The following RBPMS variants were observed in gnomAD, a reference collection of about 807,000 sequenced individuals.
RBPMS encodes the protein RNA binding protein, mRNA processing factor.
RBPMS carries 7 observed loss-of-function variants against 26.8 expected under a neutral mutation model. That is an observed-to-expected ratio of 0.26 (90% CI 0.15 to 0.49). The LOEUF (loss-of-function observed/expected upper bound fraction) is 0.49, where lower values mean the gene tolerates loss of function less well. Ranked by LOEUF, RBPMS falls within the 20% of genes least tolerant of loss-of-function variation. The pLI is 0.98. For synonymous variants in RBPMS, 96 were observed against 93.3 expected (o/e 1.03, Z -0.17); for missense variants, 186 against 250.0 (o/e 0.74, Z 1.73).
At chr8:30,552,541 A>T (rs1373249210) in intron 6 of RBPMS, 4 of 152,250 alleles carry the variant, frequency 2.6e-5, no homozygotes, top group Non-Finnish European at 5.9e-5. Context: ...CACTGAGCTC[A>T]GCTCCTGGGG....
chr8:30,385,189 C>T (rs761869947), intron 1 of RBPMS, 31 bp downstream of exon 1: 1 of 1,432,864 alleles, frequency 7.0e-7, no homozygotes, highest in Admixed American at 2.8e-5. Flanking sequence ...GTGGCGGGGG[C>T]GACGCGGGAC....
chr8:30,491,098 T>C (rs1819342863), intron 4 of RBPMS, among the ~76,000 whole-genome samples: 1 of 152,198 alleles, frequency 6.6e-6, no homozygotes, highest in South Asian at 2.1e-4. Context: ...TGTACTTTTA[T>C]GAAATTCATC....
intron 4 of RBPMS, among the ~76,000 whole-genome samples, chr8:30,491,618 G>T (rs1400202653): frequency 6.6e-6 from 1 of 151,296 alleles, no homozygotes; most frequent in Non-Finnish European, 1.5e-5. Flanking sequence ...TTAGGCAACT[G>T]TTTTTTTTCA....
At chr8:30,564,473 C>T (rs1381147771) in intron 7 of RBPMS, 2 of 152,240 alleles carry the variant, frequency 1.3e-5, no homozygotes, top group African/African-American at 2.4e-5. Context: ...GCCTGAAGAC[C>T]CTCCACACTG....
chr8:30,566,437 G>A (rs1827890789), intron 8 of RBPMS, 77 bp downstream of exon 8: 2 of 339,262 alleles, frequency 5.9e-6, no homozygotes, highest in Non-Finnish European at 8.4e-6. Flanking sequence ...CTCTGGGGGT[G>A]GGGTCTGGCA....
At chr8:30,484,868 A>G (rs546856560) in intron 4 of RBPMS, among the ~76,000 whole-genome samples, 7 of 152,328 alleles carry the variant, frequency 4.6e-5, no homozygotes, top group Admixed American at 3.3e-4. Context: ...CTTGTACATA[A>G]TTTGTTATAC....
intron 1 of RBPMS, among the ~76,000 whole-genome samples, chr8:30,425,925 G>A (rs1349035798): frequency 6.6e-6 from 1 of 152,138 alleles, no homozygotes. Context: ...TGTGATCAAG[G>A]CTGGCCTTTG....
chr8:30,489,514 G>A (rs1006906169), intron 4 of RBPMS, among the ~76,000 whole-genome samples: 1 of 152,082 alleles, frequency 6.6e-6, no homozygotes, highest in Admixed American at 6.5e-5. Flanking sequence ...GGAGTGCAGT[G>A]GCTCACTGCA....
intron 1 of RBPMS, among the ~76,000 whole-genome samples, chr8:30,456,108 G>T (rs1815175692): frequency 6.6e-6 from 1 of 152,036 alleles, no homozygotes; most frequent in Admixed American, 6.6e-5. Flanking sequence ...TTGTGTGTGT[G>T]TTTTTTAATG....
intron 5 of RBPMS, among the ~76,000 whole-genome samples, chr8:30,505,517 A>G (rs1820990077): frequency 6.6e-6 from 1 of 152,214 alleles, no homozygotes; most frequent in Admixed American, 6.5e-5. Flanking sequence ...GTTCTAAAAT[A>G]AATGTTTCTA....
At chr8:30,409,196 C>CTT (rs571043064) in intron 1 of RBPMS, among the ~76,000 whole-genome samples, 3 of 143,066 alleles carry the variant, frequency 2.1e-5, no homozygotes, top group Admixed American at 7.0e-5. Context: ...AGCGTTTTCT[C>CTT]TTTTTTTTTT....
At chr8:30,430,090 A>G (rs1401937299) in intron 1 of RBPMS, among the ~76,000 whole-genome samples, 1 of 152,130 alleles carries the variant, frequency 6.6e-6, no homozygotes, top group Non-Finnish European at 1.5e-5. Flanking sequence ...CAGCCTGGGC[A>G]ATATGGTGAA....
intron 1 of RBPMS, among the ~76,000 whole-genome samples, chr8:30,409,896 G>T (rs1399447070): frequency 6.6e-6 from 1 of 152,146 alleles, no homozygotes; most frequent in Non-Finnish European, 1.5e-5. Flanking sequence ...CTCCCAAAGT[G>T]CTGGGATTAT....
chr8:30,469,138 C>T (rs1045017014), intron 1 of RBPMS, among the ~76,000 whole-genome samples: 10 of 152,212 alleles, frequency 6.6e-5, no homozygotes, highest in African/African-American at 2.4e-4. Context: ...CTGTTGTGTA[C>T]TGAAGTCGAG....
At chr8:30,443,140 A>G (rs371792574) in intron 1 of RBPMS, among the ~76,000 whole-genome samples, 10 of 152,298 alleles carry the variant, frequency 6.6e-5, no homozygotes, top group African/African-American at 2.4e-4. Flanking sequence ...CAGCTTCTCC[A>G]CAACCCGAAT....
At chr8:30,555,567 A>G (rs997472124) in intron 6 of RBPMS, among the ~76,000 whole-genome samples, 2 of 152,042 alleles carry the variant, frequency 1.3e-5, no homozygotes, top group Non-Finnish European at 2.9e-5. Flanking sequence ...ACTATGGGAG[A>G]AGAGAGAGAG....
chr8:30,409,485 G>A (rs567357721), intron 1 of RBPMS, among the ~76,000 whole-genome samples: 47 of 151,234 alleles, frequency 3.1e-4, no homozygotes, highest in Non-Finnish European at 6.3e-4. Context: ...GAGCCACCAC[G>A]CCCGGCCTAG....
chr8:30,568,065 C>T (rs1474093663), intron 8 of RBPMS, among the ~76,000 whole-genome samples: 15 of 152,182 alleles, frequency 9.9e-5, no homozygotes, highest in Non-Finnish European at 1.9e-4. Flanking sequence ...CCTAGAGGCT[C>T]CAGAGACCGT....
At chr8:30,511,479 AAAAAAAAATATAT>A (rs1821612309) in intron 5 of RBPMS, among the ~76,000 whole-genome samples, 2 of 87,098 alleles carry the variant, frequency 2.3e-5, no homozygotes, top group African/African-American at 4.8e-5. Context: ...AAGAAAAAAA[AAAAAAAAATATAT>A]ATATATATAT....
Sources: gnomAD v4.1 joint callset for allele counts (sites outside exome capture counted in the v4.1 genomes callset) on GRCh38, gnomAD v4.1.1 for gene constraint, MANE v1.5 for transcripts, NCBI Gene and HGNC (gene_info 2026-07-23, HGNC 2026-07-21) for gene names.